The following ZNF695 variants were observed in gnomAD, a reference collection of about 807,000 sequenced individuals.
ZNF695 encodes the protein zinc finger protein 695, also known as zinc finger protein SBZF3.
ZNF695 carries 11 observed loss-of-function variants against 11.2 expected under a neutral mutation model. The observed-to-expected ratio is 0.98, with a 90% CI of 0.62 to 1.62. The LOEUF is 1.62. ZNF695 is among the 40% of genes most tolerant of loss of function. The pLI is 0.00. For missense variants in ZNF695, 559 were observed against 590.5 expected (o/e 0.95, Z 0.55); for synonymous variants, 190 against 201.4 (o/e 0.94, Z 0.48).
chr1:246,966,733 T>C, intron 5 of ZNF695: 1 of 455,312 alleles, frequency 2.2e-6, no homozygotes, highest in Non-Finnish European at 4.4e-6. Flanking sequence ...TACAGTGAGC[T>C]ATGATCACAT....
intron 5 of ZNF695, among the ~76,000 whole-genome samples, chr1:246,947,822 A>G (rs1327915361): frequency 6.6e-6 from 1 of 152,208 alleles, no homozygotes; most frequent in Non-Finnish European, 1.5e-5. Flanking sequence ...ACAGCCTTCT[A>G]TAATTCTAAT....
chr1:246,963,731 G>A (rs1266312443), intron 5 of ZNF695, among the ~76,000 whole-genome samples: 1 of 152,208 alleles, frequency 6.6e-6, no homozygotes, highest in Admixed American at 6.5e-5. Flanking sequence ...TAAAATGTGT[G>A]TGGAGTTTTC....
chr1:246,953,471 C>T (rs1056788629), intron 5 of ZNF695, among the ~76,000 whole-genome samples: 3 of 151,902 alleles, frequency 2.0e-5, no homozygotes, highest in Admixed American at 1.3e-4. Flanking sequence ...ATTAGCCAGG[C>T]GTGGTGGCAC....
At chr1:246,970,671 T>C (rs773789350) in intron 4 of ZNF695, among the ~76,000 whole-genome samples, 3 of 152,346 alleles carry the variant, frequency 2.0e-5, no homozygotes, top group South Asian at 2.1e-4. Flanking sequence ...TAAATGTGAG[T>C]TCCTAACAGG....
chr1:246,970,856 T>C (rs903686910), intron 4 of ZNF695, among the ~76,000 whole-genome samples: 5 of 152,234 alleles, frequency 3.3e-5, no homozygotes. Context: ...AACCTCCACC[T>C]CCCGAGTTCA....
Position 246,991,308 on chromosome 1 carries a change from G to A in ZNF695, c.260-3053C>T, listed in dbSNP as rs186653343. On this transcript the variant is annotated intron_variant, in intron 3 of 3. Coordinates refer to ENST00000339986, the MANE Select transcript of ZNF695 (RefSeq NM_020394.5). ...TATCAAGTTAAAAAGCTTCTGCACA[G>A]CAAAGAATGCAATCAAAGTGAAGAG... Among the ~76,000 whole-genome samples the A allele has an allele frequency of 7.0e-4, 107 of 152,154 alleles. 1 individual carries two copies. The highest frequency in any genetic ancestry group is 5.2e-3 in the South Asian group (25 of 4,814).
chr1:246,972,607 A>T (rs2642964), intron 4 of ZNF695, among the ~76,000 whole-genome samples: 2,478 of 151,894 alleles, frequency 0.016, 65 homozygotes, highest in African/African-American at 0.055. Context: ...TGCAACCTCC[A>T]CCTCCCGGGT....
chr1:246,974,171 C>CA (rs1467429187), intron 4 of ZNF695, among the ~76,000 whole-genome samples: 1 of 145,126 alleles, frequency 6.9e-6, no homozygotes, highest in Non-Finnish European at 1.5e-5. Context: ...CAAAAAAAAA[C>CA]AAACAAAAAA....
At chr1:246,995,482 G>A (rs1046271606) in intron 3 of ZNF695, among the ~76,000 whole-genome samples, 5 of 152,108 alleles carry the variant, frequency 3.3e-5, no homozygotes, top group East Asian at 3.9e-4. Flanking sequence ...CATGAAGAGC[G>A]CAACAATCTC....
intron 5 of ZNF695, among the ~76,000 whole-genome samples, chr1:246,966,437 C>A (rs779097715): frequency 8.6e-5 from 13 of 151,748 alleles, no homozygotes; most frequent in African/African-American, 2.2e-4. Context: ...GCCAAGATTG[C>A]GCCATTGCAC....
chr1:246,949,987 G>C (rs1572501461), intron 5 of ZNF695, among the ~76,000 whole-genome samples: 1 of 152,138 alleles, frequency 6.6e-6, no homozygotes, highest in Non-Finnish European at 1.5e-5. Flanking sequence ...CCACAGAAGA[G>C]ATATTTGTGT....
intron 4 of ZNF695, among the ~76,000 whole-genome samples, chr1:246,972,814 G>A (rs189516360): frequency 1.9e-3 from 289 of 151,912 alleles, no homozygotes; most frequent in Non-Finnish European, 3.4e-3. Context: ...CACTGAGCCC[G>A]GCAGCCTCTG....
intron 4 of ZNF695, among the ~76,000 whole-genome samples, chr1:246,971,320 C>A (rs957872397): frequency 6.6e-6 from 1 of 152,174 alleles, no homozygotes; most frequent in African/African-American, 2.4e-5. Context: ...TTGTACAGGG[C>A]GGAACATGAA....
chr1:246,996,588 A>C (rs10802461), intron 3 of ZNF695, among the ~76,000 whole-genome samples: 122,623 of 152,106 alleles, frequency 0.81, 49,966 homozygotes, highest in East Asian at 0.98. Context: ...AAAAAGCAGG[A>C]AATCTGGTAA....
chr1:246,958,044 G>T (rs1054974340), intron 5 of ZNF695, among the ~76,000 whole-genome samples: 2 of 150,268 alleles, frequency 1.3e-5, no homozygotes, highest in Non-Finnish European at 3.0e-5. Context: ...TTTTTGTTTT[G>T]TTTTGTTTTG....
intron 1 of ZNF695, among the ~76,000 whole-genome samples, chr1:247,005,514 G>A (rs950593308): frequency 2.6e-5 from 4 of 151,940 alleles, no homozygotes; most frequent in South Asian, 2.1e-4. Flanking sequence ...CAAGGAGTCC[G>A]ACCAGCCTGG....
intron 5 of ZNF695, among the ~76,000 whole-genome samples, chr1:246,946,938 A>G (rs12740976): frequency 0.57 from 86,393 of 151,710 alleles, 24,904 homozygotes; most frequent in African/African-American, 0.65. Flanking sequence ...TCAGGAGATC[A>G]AGACCATCCT....
rs6426192 is a variant in ZNF695, at chr1:246,963,683, C to T, written c.488+4012G>A. Among the ~76,000 whole-genome samples, 838 of 152,316 alleles carry T rather than the reference C, an allele frequency of 5.5e-3. 7 individuals carry two copies. Among genetic ancestry groups the T allele is most frequent in the African/African-American group, 0.019 (800 of 41,564 alleles). On this transcript the variant is annotated intron_variant, in intron 5 of 5. Coordinates refer to the ZNF695 transcript ENST00000487338. ...GAAAAACCAACTGCTTTCTCTTCTA[C>T]AGTCATACTTGTCAGAGAATACTTC...
chr1:246,995,445 C>G (rs922199920), intron 3 of ZNF695, among the ~76,000 whole-genome samples: 23 of 152,142 alleles, frequency 1.5e-4, no homozygotes. Context: ...AAAGGCAACC[C>G]TAAAATTACA....
Sources: allele counts gnomAD v4.1 joint callset (sites outside exome capture counted in the v4.1 genomes callset), GRCh38; gene constraint gnomAD v4.1.1; transcripts MANE v1.5; gene names NCBI Gene and HGNC (gene_info 2026-07-23, HGNC 2026-07-21).